Variants in MOK observed in about 807,000 individuals in gnomAD.
MOK encodes the protein MOK protein kinase.
MOK carries 59 observed loss-of-function variants against 54.2 expected under a neutral mutation model. That is an observed-to-expected ratio of 1.09 (90% CI 0.88 to 1.35). The LOEUF is 1.35. Ranked by LOEUF, MOK falls within the 40% of genes most tolerant of loss-of-function variation. MOK has a pLI of 0.00. For synonymous variants in MOK, 210 were observed against 202.7 expected (o/e 1.04, Z -0.31); for missense variants, 517 against 526.2 (o/e 0.98, Z 0.17).
Position 102,231,345 on chromosome 14 carries a change from T to A in MOK, c.981+362A>T. Reference sequence around the variant, plus strand: ...GCATTGCATCTTCTTGGCGCCTCCCTCCAGGGCCGTTCTGAGGGGCGATGT... The same window carrying A: ...GCATTGCATCTTCTTGGCGCCTCCCACCAGGGCCGTTCTGAGGGGCGATGT... On this transcript the variant is annotated intron_variant, in intron 10 of 11. Coordinates refer to ENST00000361847, the MANE Select transcript of MOK (RefSeq NM_014226.3). The surrounding 1 kb of genome is among the most constrained non-coding windows in gnomAD (Gnocchi z 4.4). The A allele has an allele frequency of 5.7e-6, 1 of 175,242 alleles. No homozygotes were observed. The highest frequency in any genetic ancestry group is 1.2e-5 in the Non-Finnish European group (1 of 83,710). 10.9% of individuals were successfully genotyped at this position (175,242 alleles called of 1,614,324 possible). A position where few individuals can be genotyped will look rare whatever the true frequency, so the allele number is the denominator to read the frequency against.
chr14:102,290,403 G>A (rs1018590752), intron 1 of MOK, among the ~76,000 whole-genome samples: 1 of 151,704 alleles, frequency 6.6e-6, no homozygotes, highest in Non-Finnish European at 1.5e-5. Flanking sequence ...TCACGCCACT[G>A]CACTCCAGCC....
chr14:102,271,785 C>T (rs1347663846), intron 2 of MOK, among the ~76,000 whole-genome samples: 1 of 152,224 alleles, frequency 6.6e-6, no homozygotes, highest in Non-Finnish European at 1.5e-5. Flanking sequence ...TCTCAAACTC[C>T]TGGCCTCAAG....
chr14:102,218,904 G>A, the MOK span, among the ~76,000 whole-genome samples: 8 of 152,242 alleles, frequency 5.3e-5, no homozygotes, highest in African/African-American at 1.7e-4. Flanking sequence ...CAGGTGAAGC[G>A]TGGGCGGGCT....
In MOK at chr14:102,232,811, G is replaced by T; in HGVS notation, c.693-103C>A. On this transcript the variant is annotated intron_variant, in intron 8 of 11. Transcript: ENST00000361847. The surrounding 1 kb of genome is among the most constrained non-coding windows in gnomAD (Gnocchi z 5.1). ...CCCTGTGTGGTGGGGAATGGTTTAT[G>T]ACTGCAGAGTCTACACCTGTCCCAG... The T allele has an allele frequency of 9.5e-7, 1 of 1,054,336 alleles. No individual in the cohort carries two copies. The highest frequency in any genetic ancestry group is 1.4e-6 in the Non-Finnish European group (1 of 718,378). The allele number at this position is 1,054,336 out of a possible 1,614,324, so 65.3% of individuals were successfully genotyped here. A position where few individuals can be genotyped will look rare whatever the true frequency, so the allele number is the denominator to read the frequency against.
chr14:102,284,041 C>A (rs1296425318), intron 1 of MOK, among the ~76,000 whole-genome samples: 3 of 152,138 alleles, frequency 2.0e-5, no homozygotes, highest in African/African-American at 7.2e-5. Flanking sequence ...TCCTACAATT[C>A]TTGCACTTCC....
chr14:102,254,731 C>G (rs1458195950), intron 4 of MOK, among the ~76,000 whole-genome samples: 3 of 152,156 alleles, frequency 2.0e-5, no homozygotes, highest in Non-Finnish European at 2.9e-5. Flanking sequence ...AACTAGAGCC[C>G]CAGGTGCAGC....
At chr14:102,220,873 A>G (rs111641185), downstream of MOK, among the ~76,000 whole-genome samples, 2 of 152,100 alleles carry the variant, frequency 1.3e-5, no homozygotes, top group African/African-American at 4.8e-5. This position sits in a 1 kb window ranked among gnomAD's most constrained non-coding sequence, Gnocchi z 4.2. Flanking sequence ...GGCTCAAGCC[A>G]TCCTCCTGCC....
chr14:102,247,254 G>A (rs1004118640), intron 7 of MOK: 1 of 152,208 alleles, frequency 6.6e-6, no homozygotes, highest in African/African-American at 2.4e-5. Context: ...TGGGGCCCTA[G>A]GAGTATGGAT....
chr14:102,254,987 T>A (rs992878684), intron 4 of MOK, among the ~76,000 whole-genome samples: 1 of 152,218 alleles, frequency 6.6e-6, no homozygotes, highest in Non-Finnish European at 1.5e-5. Context: ...AAACGTGGAA[T>A]CTTTTAGGAA....
intron 7 of MOK, 112 bp downstream of exon 7, chr14:102,250,699 CA>C (rs2066455772): frequency 1.8e-6 from 2 of 1,093,498 alleles, no homozygotes; most frequent in Admixed American, 5.8e-5. Context: ...AACAGTAAAA[CA>C]GAAAGAAAAA....
At chr14:102,221,950 C>T (rs1473768674), downstream of MOK, among the ~76,000 whole-genome samples, 1 of 152,168 alleles carries the variant, frequency 6.6e-6, no homozygotes, top group East Asian at 1.9e-4. The surrounding 1 kb of genome is among the most constrained non-coding windows in gnomAD (Gnocchi z 4.8). Context: ...TAAATGAACG[C>T]CACACTTTGA....
intron 2 of MOK, among the ~76,000 whole-genome samples, chr14:102,280,475 T>A (rs2069300082): frequency 6.6e-6 from 1 of 152,154 alleles, no homozygotes; most frequent in African/African-American, 2.4e-5. Flanking sequence ...CCTTCCAACG[T>A]GCTGGGATTA....
chr14:102,247,244 T>C (rs12896377), intron 7 of MOK, among the ~76,000 whole-genome samples: 42,934 of 152,040 alleles, frequency 0.28, 7,290 homozygotes, highest in African/African-American at 0.49. Flanking sequence ...CAGCTCTAGC[T>C]GGGGCCCTAG....
At chr14:102,250,737 T>C in intron 7 of MOK, 75 bp downstream of exon 7, 1 of 1,411,506 alleles carries the variant, frequency 7.1e-7, no homozygotes, top group Non-Finnish European at 9.7e-7. Context: ...ATCTGGATTG[T>C]AAAGGAAGGA....
chr14:102,292,795 G>GTT (rs1173989946), intron 1 of MOK, among the ~76,000 whole-genome samples: 4 of 151,964 alleles, frequency 2.6e-5, no homozygotes, highest in Admixed American at 2.0e-4. Flanking sequence ...TATTATTTTA[G>GTT]TATTAAAACC....
chr14:102,228,251 A>G (rs183922609), downstream of MOK, among the ~76,000 whole-genome samples: 1 of 152,320 alleles, frequency 6.6e-6, no homozygotes, highest in Non-Finnish European at 1.5e-5. Context: ...TAAAATGACA[A>G]CGTGGTCACC....
Position 102,249,578 on chromosome 14 carries a change from G to A in MOK, c.590+1234C>T, listed in dbSNP as rs191371967. Among the ~76,000 whole-genome samples the A allele has an allele frequency of 1.3e-4, 20 of 152,206 alleles. No individual in the cohort carries two copies. The highest frequency in any genetic ancestry group is 1.9e-4 in the East Asian group (1 of 5,170). ...TACAAAATTAGCCGGGCGTGGTGGT[G>A]CATGCCTGTAATCCCAGCTACTTGG... On this transcript the variant is annotated intron_variant, in intron 7 of 11. Coordinates refer to ENST00000361847, the MANE Select transcript of MOK (RefSeq NM_014226.3). This position sits in a 1 kb window ranked among gnomAD's most constrained non-coding sequence, Gnocchi z 5.3.
At position 102,234,803 on chromosome 14, in the gene MOK, A is replaced by G. The variant is rs143800922; in HGVS notation, c.591-1014T>C. Among the ~76,000 whole-genome samples, 704 of 152,296 alleles carry G rather than the reference A, an allele frequency of 4.6e-3. 6 individuals are homozygous for G. Among genetic ancestry groups the G allele is most frequent in the African/African-American group, 0.016 (653 of 41,572 alleles). On this transcript the variant is annotated intron_variant, in intron 7 of 11. Coordinates refer to ENST00000361847, the MANE Select transcript of MOK (RefSeq NM_014226.3). ...TGAAAATGGCACTTTCGATTCCGACATGCTCAGAGACTTAGACAACTTTTG... is the reference window on the plus strand; with the variant it reads ...TGAAAATGGCACTTTCGATTCCGACGTGCTCAGAGACTTAGACAACTTTTG...
At chr14:102,294,777 A>G (rs1451965702) in intron 1 of MOK, among the ~76,000 whole-genome samples, 1 of 152,226 alleles carries the variant, frequency 6.6e-6, no homozygotes, top group African/African-American at 2.4e-5. Flanking sequence ...TTGCTTTAAA[A>G]AAAATAGGTC....
Sources: gnomAD v4.1 joint callset for allele counts (sites outside exome capture counted in the v4.1 genomes callset) on GRCh38, gnomAD v4.1.1 for gene constraint, Gnocchi (gnomAD v3.1) non-coding constraint, MANE v1.5 for transcripts, NCBI Gene and HGNC (gene_info 2026-07-23, HGNC 2026-07-21) for gene names.